The following PCDHAC2 variants were observed in gnomAD, a reference collection of about 807,000 sequenced individuals.
PCDHAC2 encodes protocadherin alpha-C2.
A neutral mutation model predicts 63.3 loss-of-function variants in PCDHAC2; 24 were observed. The observed-to-expected ratio is 0.38, with a 90% confidence interval of 0.27 to 0.53. The LOEUF (loss-of-function observed/expected upper bound fraction) is 0.53, where lower values mean the gene tolerates loss of function less well. PCDHAC2 is among the 20% of genes least tolerant of loss of function. The pLI is 0.81. For missense variants in PCDHAC2, 1,181 were observed against 1,275.2 expected, an observed-to-expected ratio of 0.93 and a Z score of 1.12; for synonymous variants, 569 against 529.4, an observed-to-expected ratio of 1.07 and a Z score of -1.03.
chr5:141,001,559 G>A (rs1277713814), intron 3 of PCDHAC2, among the ~76,000 whole-genome samples: 1 of 152,190 alleles, frequency 6.6e-6, no homozygotes, highest in Non-Finnish European at 1.5e-5. Context: ...TTCAGACCAC[G>A]ATTCTCCTGT....
intron 3 of PCDHAC2, among the ~76,000 whole-genome samples, chr5:140,998,708 GC>G (rs1350967952): frequency 1.3e-5 from 2 of 152,024 alleles, no homozygotes; most frequent in Admixed American, 6.6e-5. Context: ...GGGATTACAA[GC>G]TTGCACCACC....
At chr5:141,005,689 G>A (rs980293858) in intron 3 of PCDHAC2, among the ~76,000 whole-genome samples, 12 of 95,950 alleles carry the variant, frequency 1.3e-4, no homozygotes, top group African/African-American at 4.3e-4. Context: ...GCGACAGAGC[G>A]AAACTCCGTC....
rs1376177382 is a variant in PCDHAC2, at chr5:140,966,818, C to G, written c.52C>G (p.Arg18Gly). Reference protein sequence around the residue: ...PAATEHPRLRRPMPWLLLLPL... With the variant: ...PAATEHPRLRGPMPWLLLLPL... ...GGCGACAGAGCATCCACGGCTCCGG[C>G]GGCCCATGCCCTGGCTGCTGCTACT... is the stretch of plus-strand genomic sequence containing the variant. Residue 18 changes from arginine (R) to glycine (G), a missense_variant, in exon 1 of 4, where the codon CGG (arginine) becomes GGG (glycine). Physicochemically the swap from Arg to Gly is moderately radical, Grantham distance 125 (BLOSUM62 -2). Transcript: ENST00000289269. The G allele has an allele frequency of 6.4e-7, 1 of 1,554,298 alleles. No individual in the cohort carries two copies. The highest frequency in any genetic ancestry group is 1.9e-5 in the Admixed American group (1 of 52,980).
intron 3 of PCDHAC2, among the ~76,000 whole-genome samples, chr5:140,984,986 G>A (rs553872050): frequency 6.6e-6 from 1 of 152,080 alleles, no homozygotes; most frequent in African/African-American, 2.4e-5. Context: ...CCCCCAGGCT[G>A]GAGTCCAGTG....
At chr5:140,993,407 C>T (rs2097554546) in intron 3 of PCDHAC2, among the ~76,000 whole-genome samples, 1 of 151,550 alleles carries the variant, frequency 6.6e-6, no homozygotes, top group African/African-American at 2.4e-5. Context: ...TAACCACCTT[C>T]ATCAGCATTT....
chr5:141,010,325 G>T lies in PCDHAC2; in HGVS notation c.*388G>T. On this transcript the variant is annotated 3_prime_UTR_variant, in exon 4 of 4. Coordinates refer to ENST00000289269, the MANE Select transcript of PCDHAC2 (RefSeq NM_018899.6). Reference sequence around the variant, plus strand: ...GAAAAGTTTTGAGATTGAGCAGCTTGGGAGTTTGTGGCCACTGGGTATGTG... The same window carrying T: ...GAAAAGTTTTGAGATTGAGCAGCTTTGGAGTTTGTGGCCACTGGGTATGTG... 1 of 1,539,506 alleles carries T rather than the reference G, an allele frequency of 6.5e-7. No individual in the cohort carries two copies. The highest frequency in any genetic ancestry group is 8.7e-7 in the Non-Finnish European group (1 of 1,142,888).
At chr5:140,976,491 C>T (rs1478947639) in intron 1 of PCDHAC2, among the ~76,000 whole-genome samples, 2 of 152,172 alleles carry the variant, frequency 1.3e-5, no homozygotes, top group East Asian at 1.9e-4. Context: ...GCAGAGGTTG[C>T]AGGGAGCCAA....
At chr5:141,008,863 C>A (rs902385521) in intron 3 of PCDHAC2, among the ~76,000 whole-genome samples, 2 of 152,204 alleles carry the variant, frequency 1.3e-5, no homozygotes, top group African/African-American at 2.4e-5. Flanking sequence ...CTCTTCCATG[C>A]TGCATCCCAC....
At chr5:140,971,181 C>T (rs1364149664) in intron 1 of PCDHAC2, among the ~76,000 whole-genome samples, 1 of 152,104 alleles carries the variant, frequency 6.6e-6, no homozygotes, top group Non-Finnish European at 1.5e-5. Context: ...AGCTGTAAGC[C>T]GGAAGCTCAG....
intron 2 of PCDHAC2, chr5:140,982,242 AAAG>A (rs2096973421): frequency 2.9e-6 from 2 of 701,584 alleles, no homozygotes; most frequent in African/African-American, 3.6e-5. Flanking sequence ...GAATTGCCAT[AAAG>A]ATAGAACATG....
At chr5:140,993,151 TC>T (rs2097543126) in intron 3 of PCDHAC2, among the ~76,000 whole-genome samples, 1 of 152,246 alleles carries the variant, frequency 6.6e-6, no homozygotes, top group Admixed American at 6.5e-5. Flanking sequence ...ATAAATGGAT[TC>T]TAAATATTTG....
In PCDHAC2 at chr5:140,983,053, C is replaced by T. The variant is rs571565176; in HGVS notation, c.2713+490C>T. 3.3e-5 allele frequency among the ~76,000 whole-genome samples: 5 copies of T among 151,988 alleles called. No homozygotes were observed. In the East Asian group the frequency reaches 5.8e-4, roughly 18 times the overall value. On this transcript the variant is annotated intron_variant, in intron 3 of 3. Transcript: ENST00000289269. ...GTTTCTCATGGAAGTGGAAAATTAT[C>T]GGAACCAAGGCATTGTTTTGAGTTC...
At position 141,009,998 on chromosome 5, in the gene PCDHAC2, T is replaced by C. The variant is rs1046818514; in HGVS notation, c.*61T>C. 6 of 1,575,876 alleles carry C rather than the reference T, an allele frequency of 3.8e-6. No individual in the cohort carries two copies. The African/African-American group carries it at 5.5e-5, about 14-fold the overall frequency. ...TTGTAATAATGGCAAATCTCTCCCA[T>C]GTAGCAATTCCCTGCTCCTTTTTCC... is the stretch of plus-strand genomic sequence containing the variant. On this transcript the variant is annotated 3_prime_UTR_variant, in exon 4 of 4. Transcript: ENST00000289269.
At chr5:141,005,701 CAAAAAAAAAAAAAA>C (rs59860837) in intron 3 of PCDHAC2, among the ~76,000 whole-genome samples, 79 of 7,792 alleles carry the variant, frequency 0.01, 1 homozygote, top group Admixed American at 0.027. Flanking sequence ...AACTCCGTCT[CAAAAAAAAAAAAAA>C]AAAAAAAAAA....
At chr5:140,988,571 C>T (rs1438476188) in intron 3 of PCDHAC2, among the ~76,000 whole-genome samples, 7 of 152,168 alleles carry the variant, frequency 4.6e-5, no homozygotes, top group Non-Finnish European at 1.0e-4. Flanking sequence ...TGGGAAAACA[C>T]TCTGTACCTT....
chr5:141,000,391 C>CTATA (rs2097912428), intron 3 of PCDHAC2, among the ~76,000 whole-genome samples: 2 of 56,664 alleles, frequency 3.5e-5, no homozygotes, highest in Non-Finnish European at 6.1e-5. Context: ...CTCTCTCTCT[C>CTATA]TCTCTATATA....
intron 3 of PCDHAC2, among the ~76,000 whole-genome samples, chr5:140,984,528 T>C (rs1187541000): frequency 7.2e-5 from 11 of 152,216 alleles, no homozygotes; most frequent in African/African-American, 2.4e-4. Flanking sequence ...ACAGTCTTCA[T>C]GGACTGTGCT....
At chr5:140,970,948 C>T (rs1339410112) in intron 1 of PCDHAC2, among the ~76,000 whole-genome samples, 1 of 152,114 alleles carries the variant, frequency 6.6e-6, no homozygotes, top group Non-Finnish European at 1.5e-5. Context: ...TGCTGAGAAA[C>T]CATGGGAGGC....
At chr5:140,983,513 C>G (rs893446292) in intron 3 of PCDHAC2, among the ~76,000 whole-genome samples, 1 of 152,196 alleles carries the variant, frequency 6.6e-6, no homozygotes, top group South Asian at 2.1e-4. Flanking sequence ...TGCCTAGACA[C>G]TGTGCCAAGT....
Sources: allele counts gnomAD v4.1 joint callset (sites outside exome capture counted in the v4.1 genomes callset), GRCh38; gene constraint gnomAD v4.1.1; transcripts MANE v1.5; gene names NCBI Gene and HGNC (gene_info 2026-07-23, HGNC 2026-07-21).